The following MVK variants were observed in gnomAD, a reference collection of about 807,000 sequenced individuals.
MVK encodes LH receptor mRNA-binding protein.
A neutral mutation model predicts 43.2 loss-of-function variants in MVK; 34 were observed. The ratio of observed to expected loss-of-function variants is 0.79; its 90% CI spans 0.60 to 1.05. MVK has a LOEUF of 1.05. MVK is among the 50% of genes least tolerant of loss of function. The pLI is 0.00. For missense variants in MVK, 395 were observed against 504.0 expected (o/e 0.78, Z 2.07); for synonymous variants, 190 against 219.8 (o/e 0.86, Z 1.20).
At position 109,591,275 on chromosome 12, in the gene MVK, T is replaced by C. The variant is rs104895304; in HGVS notation, c.803T>C (p.Ile268Thr). Residue 268 changes from isoleucine (I) to threonine (T), a missense_variant, in exon 9 of 11, where the codon ATA becomes ACA. Transcript: ENST00000228510. ...PEIVAPLLTS[I>T]DAISLECERV... Reference sequence around the variant, plus strand: ...ATCGTGGCCCCCCTCCTGACCTCAATAGATGCCATCTCCCTGGAGTGTGAG... The same window carrying C: ...ATCGTGGCCCCCCTCCTGACCTCAACAGATGCCATCTCCCTGGAGTGTGAG... The C allele has an allele frequency of 1.9e-4, 310 of 1,613,992 alleles. No individual in the cohort carries two copies. Among genetic ancestry groups the C allele is most frequent in the Non-Finnish European group, 2.4e-4 (279 of 1,180,012 alleles).
At position 109,576,080 on chromosome 12, in the gene MVK, C is replaced by A; in HGVS notation, c.161C>A (p.Pro54His). Residue 54 changes from proline to histidine, a missense_variant, in exon 3 of 11, where the codon CCC becomes CAC. Physicochemically the swap from Pro to His is moderately conservative, Grantham distance 77 (BLOSUM62 -2). Coordinates refer to ENST00000228510, the MANE Select transcript of MVK (RefSeq NM_000431.4). The stretch of plus-strand genomic sequence containing the variant: ...AATGGGAAAGTGGACCTCAGCTTAC[C>A]CAACATTGGTATCAAGCGGGCCTGG... ...HSNGKVDLSL[P>H]NIGIKRAWDV... 1 of 1,614,150 alleles carries A rather than the reference C, an allele frequency of 6.2e-7. No individual in the cohort carries two copies. Among genetic ancestry groups the A allele is most frequent in the South Asian group, 1.1e-5 (1 of 91,082 alleles).
chr12:109,587,049 A>T (rs1374100893), intron 7 of MVK: 1 of 531,246 alleles, frequency 1.9e-6, no homozygotes, highest in African/African-American at 1.9e-5. Context: ...CTGTGCCCGT[A>T]GACTCTCAGC....
intron 4 of MVK, among the ~76,000 whole-genome samples, chr12:109,581,109 A>C (rs1228551501): frequency 1.3e-5 from 2 of 152,222 alleles, no homozygotes; most frequent in African/African-American, 4.8e-5. Context: ...ATGTGGGCAC[A>C]GGAAGGAGGT....
intron 7 of MVK, chr12:109,587,164 G>A (rs66783857): frequency 0.056 from 17,667 of 313,558 alleles, 672 homozygotes; most frequent in Middle Eastern, 0.081. Flanking sequence ...GATGAAGCTT[G>A]GGTACAGTTT....
At chr12:109,579,776 T>C in intron 3 of MVK, 26 bp from the exon 4 acceptor site, 1 of 1,614,140 alleles carries the variant, frequency 6.2e-7, no homozygotes, top group Non-Finnish European at 8.5e-7. Context: ...CACCCACTTG[T>C]GTTTGCTTGT....
In MVK at chr12:109,596,496, C is replaced by T. The variant is rs2136257338; in HGVS notation, c.1110C>T (p.Thr370=). 1 of 1,613,536 alleles carries T rather than the reference C, an allele frequency of 6.2e-7. No homozygotes were observed. The change falls in exon 11 of 11, where the codon ACC becomes ACT. Residue 370 remains threonine (T), a synonymous_variant. Transcript: ENST00000228510. ...GCTGTGGCTTTGACTGCTTGGAAAC[C>T]AGCATCGGTGCCCCCGGCGTCTCCA... is the stretch of plus-strand genomic sequence containing the variant. ...LTSCGFDCLE[T]SIGAPGVSIH... is the part of the protein sequence containing the mutation.
rs953360380 is a variant in MVK, at chr12:109,597,461, C to T, written c.*884C>T. The T allele has an allele frequency of 6.6e-6, 1 of 152,336 alleles. No individual in the cohort carries two copies. The highest frequency in any genetic ancestry group is 1.5e-5 in the Non-Finnish European group (1 of 68,146). The allele number at this position is 152,336 out of a possible 1,614,324, so 9.4% of individuals were successfully genotyped here. On this transcript the variant is annotated 3_prime_UTR_variant, in exon 11 of 11. Transcript: ENST00000228510. Reference sequence around the variant, plus strand: ...CGGCTCTCAGTCCATCAGCACAACTCTAGGCTGCTGCTGCGGAGGGAGAAG... The same window carrying T: ...CGGCTCTCAGTCCATCAGCACAACTTTAGGCTGCTGCTGCGGAGGGAGAAG...
chr12:109,596,425 G>T lies in MVK; in HGVS notation c.1040-1G>T. 1 of 1,613,220 alleles carries T rather than the reference G, an allele frequency of 6.2e-7. No homozygotes were observed. On this transcript the variant is annotated splice_acceptor_variant, in intron 10 of 10. Transcript: ENST00000228510. LOFTEE classifies it high-confidence loss of function. Reference sequence around the variant, plus strand: ...GGGTGACCTGCCTTCCCTCCCCGCAGGGCTGGAGCAGCCAGAAGTGGAGGC... The same window carrying T: ...GGGTGACCTGCCTTCCCTCCCCGCATGGCTGGAGCAGCCAGAAGTGGAGGC...
At position 109,581,563 on chromosome 12, in the gene MVK, C is replaced by CT; in HGVS notation, c.527+15dup. 6.2e-7 allele frequency: 1 copy of CT among 1,614,168 alleles called. No individual in the cohort carries two copies. Among genetic ancestry groups the CT allele is most frequent in the Non-Finnish European group, 8.5e-7 (1 of 1,179,992 alleles). On this transcript the variant is annotated intron_variant, in intron 5 of 10. Transcript: ENST00000228510. ...ATTGCGTCAACAGGTAACCATGGTC[C>CT]TTACCTGGCCAGTGTCCCTCCCGCA...
Position 109,581,564 on chromosome 12 carries a change from T to C in MVK, c.527+14T>C. ...TTGCGTCAACAGGTAACCATGGTCC[T>C]TACCTGGCCAGTGTCCCTCCCGCAC... On this transcript the variant is annotated intron_variant, in intron 5 of 10. Transcript: ENST00000228510. 1 of 1,614,156 alleles carries C rather than the reference T, an allele frequency of 6.2e-7. No homozygotes were observed. The highest frequency in any genetic ancestry group is 8.5e-7 in the Non-Finnish European group (1 of 1,179,996).
chr12:109,576,828 G>A (rs1313059081), intron 3 of MVK, among the ~76,000 whole-genome samples: 2 of 147,912 alleles, frequency 1.4e-5, no homozygotes, highest in Non-Finnish European at 3.0e-5. Context: ...CCAAGATTGC[G>A]CCATTGCACT....
intron 5 of MVK, among the ~76,000 whole-genome samples, chr12:109,581,788 C>G (rs1284317039): frequency 1.3e-5 from 2 of 152,238 alleles, no homozygotes; most frequent in Non-Finnish European, 2.9e-5. Flanking sequence ...TCCACCACCT[C>G]TGCTCACCCC....
intron 7 of MVK, chr12:109,589,858 T>G (rs1223758678): frequency 6.6e-6 from 1 of 152,272 alleles, no homozygotes; most frequent in Non-Finnish European, 1.5e-5. Flanking sequence ...GCTTGAGCCC[T>G]CGAAGACGGC....
rs1885003339 is a variant in MVK, at chr12:109,577,361, T to A, written c.226+1216T>A. 2.6e-5 allele frequency among the ~76,000 whole-genome samples: 4 copies of A among 152,238 alleles called. No homozygotes were observed. In the South Asian group the frequency reaches 8.3e-4, roughly 32 times the overall value. ...TCAGCCAGGATGGGGTAAATGAGAA[T>A]CTTTTTGGGTTTTTTCCTTACACTG... On this transcript the variant is annotated intron_variant, in intron 3 of 10. Coordinates refer to ENST00000228510, the MANE Select transcript of MVK (RefSeq NM_000431.4).
rs1885126836 is a variant in MVK, at chr12:109,579,697, C to T, written c.227-105C>T. On this transcript the variant is annotated intron_variant, in intron 3 of 10. Coordinates refer to ENST00000228510, the MANE Select transcript of MVK (RefSeq NM_000431.4). ...GTTCAGACCATAAATTCGTGTCCAT[C>T]CATGTTCCAATTCCAGTGACTAGTC... 3 of 1,471,904 alleles carry T rather than the reference C, an allele frequency of 2.0e-6. No individual in the cohort carries two copies. In the South Asian group the frequency reaches 3.5e-5, roughly 17 times the overall value. The allele number at this position is 1,471,904 out of a possible 1,614,324, so 91.2% of individuals were successfully genotyped here.
At chr12:109,592,575 A>G (rs1184896445) in intron 9 of MVK, among the ~76,000 whole-genome samples, 1 of 152,238 alleles carries the variant, frequency 6.6e-6, no homozygotes, top group Non-Finnish European at 1.5e-5. Context: ...CACTAAAGCA[A>G]GCCTTTTACA....
intron 10 of MVK, 128 bp from the exon 11 acceptor site, chr12:109,596,298 C>G (rs1885908496): frequency 7.4e-7 from 1 of 1,354,900 alleles, no homozygotes; most frequent in Non-Finnish European, 1.0e-6. Context: ...GGCTTTATGG[C>G]CTGTTGGCTC....
intron 7 of MVK, chr12:109,590,244 G>T (rs1214429242): frequency 1.5e-5 from 3 of 204,550 alleles, no homozygotes. Flanking sequence ...CAGCTTCGTG[G>T]GGGTGACCCA....
upstream of MVK, chr12:109,573,378 G>T: frequency 6.2e-7 from 1 of 1,612,914 alleles, no homozygotes; most frequent in Non-Finnish European, 8.5e-7. Context: ...TGAGGGCCGC[G>T]GCTCTGGAAA....
Sources: gnomAD v4.1 joint callset for allele counts (sites outside exome capture counted in the v4.1 genomes callset) on GRCh38, gnomAD v4.1.1 for gene constraint, MANE v1.5 for transcripts, NCBI Gene and HGNC (gene_info 2026-07-23, HGNC 2026-07-21) for gene names.